Variants in UGT1A8 observed in about 807,000 individuals in gnomAD.
UGT1A8 encodes the protein UDP-glucuronosyltransferase 1A8.
Under a neutral mutation model 45.3 loss-of-function variants are expected in UGT1A8, and 39 were observed. The ratio of observed to expected loss-of-function variants is 0.86; its 90% CI spans 0.67 to 1.12. The LOEUF is 1.12. UGT1A8 is among the 50% of genes most tolerant of loss of function. UGT1A8 has a pLI of 0.00. For synonymous variants in UGT1A8, 275 were observed against 249.2 expected, an observed-to-expected ratio of 1.10 and a Z score of -0.97; for missense variants, 719 against 664.9, an observed-to-expected ratio of 1.08 and a Z score of -0.90.
intron 1 of UGT1A8, chr2:233,648,814 G>C (rs2073668798): frequency 6.0e-6 from 6 of 1,003,708 alleles, no homozygotes; most frequent in South Asian, 2.5e-5. Context: ...CTTCTACTTA[G>C]AGGAGCATTT....
At chr2:233,711,602 G>C (rs764299544) in intron 1 of UGT1A8, among the ~76,000 whole-genome samples, 3 of 152,140 alleles carry the variant, frequency 2.0e-5, no homozygotes, top group Non-Finnish European at 4.4e-5. Context: ...TCCTGCCTGC[G>C]CCCTCTGGTG....
intron 1 of UGT1A8, among the ~76,000 whole-genome samples, chr2:233,622,078 G>A (rs2073018600): frequency 6.6e-6 from 1 of 152,138 alleles, no homozygotes; most frequent in South Asian, 2.1e-4. Context: ...TTTTATGGCT[G>A]CATAGTATTC....
intron 1 of UGT1A8, among the ~76,000 whole-genome samples, chr2:233,695,413 C>T (rs1307794775): frequency 6.9e-6 from 1 of 145,526 alleles, no homozygotes; most frequent in Non-Finnish European, 1.5e-5. Flanking sequence ...CGTGAGCTAC[C>T]GCGCCCGGCC....
intron 1 of UGT1A8, chr2:233,713,304 C>T (rs200200998): frequency 6.2e-7 from 1 of 1,614,230 alleles, no homozygotes; most frequent in Non-Finnish European, 8.5e-7. Context: ...TGAAACAGAA[C>T]ATCTTCTGAT....
At chr2:233,628,613 C>A (rs2073133344) in intron 1 of UGT1A8, among the ~76,000 whole-genome samples, 1 of 151,990 alleles carries the variant, frequency 6.6e-6, no homozygotes, top group Admixed American at 6.6e-5. Flanking sequence ...TCTATTTCCT[C>A]CCTGACTGCA....
chr2:233,627,612 C>CCTTCCTTCCTTT lies in UGT1A8; in HGVS notation c.855+9062_855+9073dup, dbSNP rs1233456421. Reference sequence around the variant, plus strand: ...AGCAATGTCTTCATGAATCTCCCTTCCTTCCTTCCTTTCTTCCTTCCTTCC... The same window carrying CCTTCCTTCCTTT: ...AGCAATGTCTTCATGAATCTCCCTTCCTTCCTTCCTTTCTTCCTTCCTTTCTTCCTTCCTTCC... On this transcript the variant is annotated intron_variant, in intron 1 of 4. Transcript: ENST00000373450. Among the ~76,000 whole-genome samples the CCTTCCTTCCTTT allele has an allele frequency of 8.2e-5, 12 of 145,678 alleles. No individual in the cohort carries two copies. In the South Asian group the frequency reaches 1.8e-3, roughly 22 times the overall value.
At chr2:233,620,819 G>C (rs2072990614) in intron 1 of UGT1A8, among the ~76,000 whole-genome samples, 1 of 152,190 alleles carries the variant, frequency 6.6e-6, no homozygotes, top group Admixed American at 6.5e-5. Flanking sequence ...ACTGCGTATT[G>C]CTCCTTCCTT....
chr2:233,651,294 G>A (rs543739402), intron 1 of UGT1A8, among the ~76,000 whole-genome samples: 20 of 152,080 alleles, frequency 1.3e-4, no homozygotes, highest in Non-Finnish European at 2.9e-4. Context: ...GGCTCACAGG[G>A]TCACCCAGAG....
At chr2:233,763,407 T>C (rs888338345) in intron 1 of UGT1A8, among the ~76,000 whole-genome samples, 1 of 152,240 alleles carries the variant, frequency 6.6e-6, no homozygotes, top group African/African-American at 2.4e-5. Flanking sequence ...GCACTGGTAT[T>C]TTTAATCCAG....
At chr2:233,682,744 G>A (rs1213672216) in intron 1 of UGT1A8, 12 of 1,613,896 alleles carry the variant, frequency 7.4e-6, no homozygotes, top group Non-Finnish European at 9.3e-6. Flanking sequence ...TGCCCAATAT[G>A]ATCTTCATTG....
intron 1 of UGT1A8, chr2:233,672,737 A>T (rs748958979): frequency 5.6e-6 from 9 of 1,613,796 alleles, no homozygotes; most frequent in Non-Finnish European, 7.6e-6. Flanking sequence ...GTGATGCCCA[A>T]CATGATCTTC....
At chr2:233,719,061 G>A (rs193183920) in intron 1 of UGT1A8, 1 of 1,614,280 alleles carries the variant, frequency 6.2e-7, no homozygotes, top group Admixed American at 1.7e-5. Flanking sequence ...GACAGCCTAT[G>A]CTGTTCCATG....
chr2:233,719,115 G>C lies in UGT1A8; in HGVS notation c.856-47919G>C, dbSNP rs774010631. 3.5e-5 allele frequency: 57 copies of C among 1,614,126 alleles called. No homozygotes were observed. Among genetic ancestry groups the C allele is most frequent in the Non-Finnish European group, 4.5e-5 (53 of 1,180,048 alleles). The stretch of plus-strand genomic sequence containing the variant: ...TCGCGTTACGCTGGGCTACACTCAA[G>C]GGTTCTTTGAAACAGAACATCTTCT... On this transcript the variant is annotated intron_variant, in intron 1 of 4. Transcript: ENST00000373450.
intron 1 of UGT1A8, chr2:233,721,762 T>C (rs1308091400): frequency 4.2e-6 from 2 of 475,048 alleles, no homozygotes; most frequent in Non-Finnish European, 8.4e-6. Context: ...ATCTAAATTG[T>C]TATATTTAGC....
At chr2:233,747,950 G>A in intron 1 of UGT1A8, 1 of 1,613,378 alleles carries the variant, frequency 6.2e-7, no homozygotes, top group Non-Finnish European at 8.5e-7. Flanking sequence ...TGTCAGTGGT[G>A]GATCTTCTCA....
At chr2:233,701,960 C>G (rs542738545) in intron 1 of UGT1A8, among the ~76,000 whole-genome samples, 1 of 151,922 alleles carries the variant, frequency 6.6e-6, no homozygotes, top group Non-Finnish European at 1.5e-5. Flanking sequence ...CAAACACATT[C>G]AAAAGCTAGT....
intron 1 of UGT1A8, among the ~76,000 whole-genome samples, chr2:233,683,822 G>A (rs147688606): frequency 2.0e-5 from 3 of 151,948 alleles, no homozygotes; most frequent in South Asian, 2.1e-4. Flanking sequence ...CTAAACTCTC[G>A]TATTAGTATG....
chr2:233,713,370 T>A (rs1249114309), intron 1 of UGT1A8: 1 of 1,613,964 alleles, frequency 6.2e-7, no homozygotes, highest in Admixed American at 1.7e-5. Flanking sequence ...CATACATAGG[T>A]CTTGTGTGGA....
intron 4 of UGT1A8, chr2:233,771,736 GTCTT>G (rs1408768214): frequency 2.0e-5 from 3 of 152,960 alleles, no homozygotes; most frequent in Non-Finnish European, 4.4e-5. Flanking sequence ...TATAATTTTG[GTCTT>G]TCTTTTTCTC....
Sources: allele counts gnomAD v4.1 joint callset (sites outside exome capture counted in the v4.1 genomes callset), GRCh38; gene constraint gnomAD v4.1.1; transcripts MANE v1.5; gene names NCBI Gene and HGNC (gene_info 2026-07-23, HGNC 2026-07-21).